Variants in KIAA1671 observed in about 807,000 individuals in gnomAD.
KIAA1671 encodes the protein uncharacterized protein KIAA1671.
In KIAA1671, 52 loss-of-function variants were observed where a neutral mutation model predicts 131.2. The observed-to-expected ratio is 0.40, with a 90% CI of 0.32 to 0.50. The LOEUF is 0.50. KIAA1671 is among the 20% of genes least tolerant of loss of function. The pLI is 0.73. For synonymous variants in KIAA1671, 1,003 were observed against 961.6 expected (o/e 1.04, Z -0.80); for missense variants, 2,360 against 2,364.2 (o/e 1.00, Z 0.04).
intron 6 of KIAA1671, among the ~76,000 whole-genome samples, chr22:25,128,903 C>A (rs189456767): frequency 6.6e-6 from 1 of 152,312 alleles, no homozygotes; most frequent in African/African-American, 2.4e-5. Context: ...GCTAACCTAC[C>A]CCTGTCAAGC....
At chr22:25,160,070 A>G (rs916877580) in intron 6 of KIAA1671, among the ~76,000 whole-genome samples, 20 of 152,228 alleles carry the variant, frequency 1.3e-4, no homozygotes, top group African/African-American at 4.8e-4. Context: ...AACGTTTTGT[A>G]AACACTGGAC....
chr22:25,188,825 G>A (rs529488171), intron 11 of KIAA1671, among the ~76,000 whole-genome samples: 1 of 152,254 alleles, frequency 6.6e-6, no homozygotes, highest in African/African-American at 2.4e-5. Context: ...GGGGGAGGTG[G>A]AAGAGGAGGG....
chr22:25,086,155 T>G (rs889276563), intron 6 of KIAA1671, among the ~76,000 whole-genome samples: 1 of 152,206 alleles, frequency 6.6e-6, no homozygotes, highest in Non-Finnish European at 1.5e-5. Context: ...TTTACAGAAC[T>G]GAATGAAAGA....
chr22:25,047,808 G>T (rs1305996343), intron 5 of KIAA1671, among the ~76,000 whole-genome samples: 5 of 152,166 alleles, frequency 3.3e-5, no homozygotes, highest in African/African-American at 7.2e-5. Flanking sequence ...AAGCACAAAA[G>T]TTTTTAATTT....
chr22:24,982,298 G>A (rs1249335397), intron 1 of KIAA1671, among the ~76,000 whole-genome samples: 1 of 152,186 alleles, frequency 6.6e-6, no homozygotes, highest in Non-Finnish European at 1.5e-5. Context: ...CTAAATAAAT[G>A]CCGCTTTCAC....
At chr22:25,186,591 G>C (rs182101060) in intron 11 of KIAA1671, 7 of 152,294 alleles carry the variant, frequency 4.6e-5, no homozygotes, top group African/African-American at 1.7e-4. Context: ...GTAAGTCCCT[G>C]CCTCTCTAAT....
At chr22:25,062,827 C>CCCGCCCCCCGCCA (rs1257589891) in intron 6 of KIAA1671, 1 of 98,936 alleles carries the variant, frequency 1.0e-5, no homozygotes, top group Admixed American at 1.0e-4. Context: ...CACCCCCGCC[C>CCCGCCCCCCGCCA]CCCGCCACCC....
intron 6 of KIAA1671, among the ~76,000 whole-genome samples, chr22:25,120,712 CT>C (rs1314955299): frequency 3.3e-5 from 5 of 152,230 alleles, no homozygotes; most frequent in African/African-American, 7.2e-5. Flanking sequence ...TCCTTCTTGT[CT>C]TTTTCCCCCC....
intron 5 of KIAA1671, among the ~76,000 whole-genome samples, chr22:25,045,063 AGGCAGGAGAAT>A (rs149393142): frequency 0.24 from 36,708 of 151,800 alleles, 6,513 homozygotes; most frequent in African/African-American, 0.5. Context: ...CCGGAGGCTG[AGGCAGGAGAAT>A]GGCGTGAACC....
chr22:24,978,973 C>T lies in KIAA1671; in HGVS notation c.-208+26201C>T, dbSNP rs766638757. On this transcript the variant is annotated intron_variant, in intron 1 of 12. Transcript: ENST00000358431. The stretch of plus-strand genomic sequence containing the variant: ...GTGCTGGGATTATAGGCATGAGCCA[C>T]CACACCCAGCCAATCATCTTAATCA... 1.7e-3 allele frequency among the ~76,000 whole-genome samples: 261 copies of T among 151,266 alleles called. 1 individual carries two copies. Among genetic ancestry groups the T allele is most frequent in the Non-Finnish European group, 2.3e-3 (156 of 67,880 alleles).
intron 6 of KIAA1671, among the ~76,000 whole-genome samples, chr22:25,082,111 A>C (rs1458099583): frequency 6.6e-6 from 1 of 152,024 alleles, no homozygotes; most frequent in Non-Finnish European, 1.5e-5. Context: ...AAGGACTCAG[A>C]TTTGGGGGTT....
intron 4 of KIAA1671, among the ~76,000 whole-genome samples, chr22:25,035,308 A>G (rs1321774876): frequency 6.6e-6 from 1 of 152,104 alleles, no homozygotes; most frequent in Non-Finnish European, 1.5e-5. Flanking sequence ...TGGCCTCCCA[A>G]AATGCTGGGA....
In KIAA1671 at chr22:25,190,747, G is replaced by A; in HGVS notation, c.5388G>A (p.Lys1796=). 1.9e-6 allele frequency: 3 copies of A among 1,551,894 alleles called. No homozygotes were observed. Among genetic ancestry groups the A allele is most frequent in the Middle Eastern group, 1.7e-4 (1 of 5,996 alleles). The stretch of plus-strand genomic sequence containing the variant: ...AGTGGCTAAAGGAATTGAAATCCAA[G>A]AAGAGGCAAAGTCTTTATGAGAACC... The part of the protein sequence containing the change: ...SPQWLKELKS[K]KRQSLYENQV Residue 1796 remains lysine, a synonymous_variant, in exon 12 of 13, where the codon AAG becomes AAA. Transcript: ENST00000358431.
At chr22:25,093,824 T>TCTCTCTCTCTCTCTCTCTC (rs1555877745) in intron 6 of KIAA1671, among the ~76,000 whole-genome samples, 1 of 21,952 alleles carries the variant, frequency 4.6e-5, no homozygotes, top group Non-Finnish European at 8.3e-5. Context: ...CTCTCTCTCT[T>TCTCTCTCTCTCTCTCTCTC]TCTCTCTCTG....
At chr22:25,149,667 G>A (rs181650042) in intron 6 of KIAA1671, among the ~76,000 whole-genome samples, 53 of 152,120 alleles carry the variant, frequency 3.5e-4, no homozygotes, top group Non-Finnish European at 6.3e-4. Context: ...CTTGGGTCAG[G>A]CCTCTGTGGC....
intron 1 of KIAA1671, among the ~76,000 whole-genome samples, chr22:24,966,407 G>T (rs1297248688): frequency 3.9e-5 from 6 of 152,300 alleles, no homozygotes; most frequent in Middle Eastern, 3.4e-3. Flanking sequence ...CTTGAAGCCT[G>T]GGTTTTGGCA....
rs71191013 is a variant in KIAA1671 at position 25,003,400 on chromosome 22, ATTTTTTTTT to A, written c.-207-22212_-207-22204del. On this transcript the variant is annotated intron_variant, in intron 1 of 12. Coordinates refer to ENST00000358431, the MANE Select transcript of KIAA1671 (RefSeq NM_001145206.2). Reference sequence around the variant, plus strand: ...GCCTTATCTCCTTTCACTTGGAGAGATTTTTTTTTTTTTTTTTTTTTTTTTTTTTGAGAC... The same window carrying A: ...GCCTTATCTCCTTTCACTTGGAGAGATTTTTTTTTTTTTTTTTTTTGAGAC... 6.1e-4 allele frequency among the ~76,000 whole-genome samples: 69 copies of A among 113,840 alleles called. 1 individual carries two copies. The highest frequency in any genetic ancestry group is 2.5e-3 in the African/African-American group (60 of 23,812). The allele number at this position is 113,840 out of a possible 152,430, so 74.7% of individuals were successfully genotyped here.
At chr22:25,099,537 GTT>G (rs1223034273) in intron 6 of KIAA1671, among the ~76,000 whole-genome samples, 13 of 112,138 alleles carry the variant, frequency 1.2e-4, no homozygotes, top group Non-Finnish European at 1.9e-4. Context: ...CAAAATGTGG[GTT>G]TTTTTGTTTT....
At chr22:25,190,588 C>A in intron 11 of KIAA1671, 114 bp from the exon 12 acceptor site, 1 of 799,058 alleles carries the variant, frequency 1.3e-6, no homozygotes, top group Non-Finnish European at 2.1e-6. Flanking sequence ...CCTCTGAGTG[C>A]TTGCCCCAAC....
Sources: gnomAD v4.1 joint callset for allele counts (sites outside exome capture counted in the v4.1 genomes callset) on GRCh38, gnomAD v4.1.1 for gene constraint, MANE v1.5 for transcripts, NCBI Gene and HGNC (gene_info 2026-07-23, HGNC 2026-07-21) for gene names.